The following CGGBP1 variants were observed in gnomAD, a reference collection of about 807,000 sequenced individuals.
The protein encoded by CGGBP1 is CGG triplet repeat binding protein 1.
A neutral mutation model predicts 11.4 loss-of-function variants in CGGBP1; 4 were observed. The ratio of observed to expected loss-of-function variants is 0.35; its 90% CI spans 0.17 to 0.80. The LOEUF is 0.80. Among genes scored for constraint, CGGBP1 ranks in the 30% least tolerant of loss-of-function variants. The pLI, the probability that CGGBP1 is intolerant of heterozygous loss-of-function variation, is 0.52. For missense variants in CGGBP1, 135 were observed against 202.1 expected (o/e 0.67, Z 2.01); for synonymous variants, 76 against 74.1 (o/e 1.03, Z -0.13).
At chr3:88,070,561 CTGTTTTTTTTTT>C (rs768293440) in intron 2 of CGGBP1, among the ~76,000 whole-genome samples, 1 of 92,662 alleles carries the variant, frequency 1.1e-5, no homozygotes, top group Non-Finnish European at 2.1e-5. Flanking sequence ...GCAACACTGC[CTGTTTTTTTTTT>C]TTTTTTTTTT....
chr3:88,140,967 T>G (rs780559502), intron 2 of CGGBP1: 1 of 1,613,492 alleles, frequency 6.2e-7, no homozygotes, highest in Admixed American at 1.7e-5. Flanking sequence ...CCTGACCACC[T>G]ACTGTAATGC....
chr3:88,103,089 G>A (rs1435371245), intron 2 of CGGBP1, among the ~76,000 whole-genome samples: 1 of 152,026 alleles, frequency 6.6e-6, no homozygotes, highest in Non-Finnish European at 1.5e-5. Context: ...TTGGTTTTCT[G>A]TTCATGCGTT....
chr3:88,078,630 T>A (rs1707933968), intron 2 of CGGBP1, among the ~76,000 whole-genome samples: 1 of 152,130 alleles, frequency 6.6e-6, no homozygotes, highest in African/African-American at 2.4e-5. Context: ...TCTTCATCTC[T>A]AGCCATCACT....
intron 2 of CGGBP1, among the ~76,000 whole-genome samples, chr3:88,070,540 C>G (rs1707447587): frequency 6.8e-6 from 1 of 147,100 alleles, no homozygotes; most frequent in Non-Finnish European, 1.5e-5. Context: ...CTATACGCCA[C>G]TGTGGCAAAG....
At chr3:88,076,223 T>C (rs1402352497) in intron 2 of CGGBP1, among the ~76,000 whole-genome samples, 1 of 152,222 alleles carries the variant, frequency 6.6e-6, no homozygotes, top group Non-Finnish European at 1.5e-5. Flanking sequence ...TTTCTGCCTT[T>C]TAAAAAGCAA....
At chr3:88,090,562 T>C (rs572761409) in intron 2 of CGGBP1, among the ~76,000 whole-genome samples, 2 of 150,600 alleles carry the variant, frequency 1.3e-5, no homozygotes, top group South Asian at 4.1e-4. Flanking sequence ...TAATTTATTA[T>C]TAAAGAAAAA....
chr3:88,080,298 T>A (rs1461365624), intron 2 of CGGBP1, among the ~76,000 whole-genome samples: 1 of 152,134 alleles, frequency 6.6e-6, no homozygotes, highest in African/African-American at 2.4e-5. Context: ...CAGTTCATAC[T>A]GATGTAATGA....
chr3:88,113,916 T>G (rs12493327), intron 2 of CGGBP1, among the ~76,000 whole-genome samples: 22,632 of 152,156 alleles, frequency 0.15, 1,763 homozygotes, highest in African/African-American at 0.18. Flanking sequence ...TTAACCATTC[T>G]TACCTTCAGC....
intron 2 of CGGBP1, 54 bp downstream of exon 2, chr3:88,057,965 C>G (rs188981463): frequency 6.6e-6 from 1 of 152,204 alleles, no homozygotes; most frequent in East Asian, 1.9e-4. Context: ...AAAAGCATAT[C>G]GTTTGCTAGA....
rs901202321 is a variant in CGGBP1, at chr3:88,076,772, T to C, written c.-228-18549A>G. 5.3e-5 allele frequency among the ~76,000 whole-genome samples: 8 copies of C among 152,314 alleles called. No homozygotes were observed. In the East Asian group the frequency reaches 1.5e-3, roughly 29 times the overall value. On this transcript the variant is annotated intron_variant, in intron 2 of 3. Coordinates refer to the CGGBP1 transcript ENST00000462901. The stretch of plus-strand genomic sequence containing the variant: ...TAATATATTACTCTCAGCTCTGATT[T>C]TGGAATCAAATGAAAAATTGGCAGG...
At chr3:88,072,348 G>T (rs1707562053) in intron 2 of CGGBP1, among the ~76,000 whole-genome samples, 1 of 152,090 alleles carries the variant, frequency 6.6e-6, no homozygotes, top group Admixed American at 6.5e-5. Flanking sequence ...GTATGAGTGA[G>T]GCCTCTTCCA....
upstream of CGGBP1, among the ~76,000 whole-genome samples, chr3:88,060,086 G>C (rs1706774419): frequency 6.6e-6 from 1 of 151,920 alleles, no homozygotes; most frequent in Admixed American, 6.6e-5. Flanking sequence ...TACTTTTTTC[G>C]GACAGAGAGT....
chr3:88,137,194 C>CAAAAAA (rs11401199), intron 2 of CGGBP1, among the ~76,000 whole-genome samples: 2 of 70,748 alleles, frequency 2.8e-5, no homozygotes, highest in African/African-American at 6.4e-5. Flanking sequence ...GACTCTGTCT[C>CAAAAAA]AAAAAAAAAA....
chr3:88,091,517 T>C (rs559134120), intron 2 of CGGBP1, among the ~76,000 whole-genome samples: 233 of 152,340 alleles, frequency 1.5e-3, no homozygotes, highest in Non-Finnish European at 1.3e-3. Context: ...AAAATTCTTA[T>C]ACAACTTTCA....
At chr3:88,068,131 G>A (rs1707308543) in intron 2 of CGGBP1, among the ~76,000 whole-genome samples, 1 of 151,808 alleles carries the variant, frequency 6.6e-6, no homozygotes, top group South Asian at 2.1e-4. Context: ...TGATTAGAGA[G>A]GTATGTTGAA....
chr3:88,088,797 G>A (rs1708480673), intron 2 of CGGBP1, among the ~76,000 whole-genome samples: 1 of 151,722 alleles, frequency 6.6e-6, no homozygotes, highest in Non-Finnish European at 1.5e-5. Flanking sequence ...TGGATGGATG[G>A]AGTCTGGCTC....
At chr3:88,059,022 G>A, upstream of CGGBP1, 1 of 436,564 alleles carries the variant, frequency 2.3e-6, no homozygotes, top group Non-Finnish European at 4.0e-6. Flanking sequence ...GCCCGTAGGC[G>A]GTCCCCAGCA....
chr3:88,111,574 A>G (rs919694957), intron 2 of CGGBP1, among the ~76,000 whole-genome samples: 3 of 151,996 alleles, frequency 2.0e-5, no homozygotes, highest in African/African-American at 7.2e-5. Flanking sequence ...GTATGGATAT[A>G]TTTAATTTAC....
intron 2 of CGGBP1, among the ~76,000 whole-genome samples, chr3:88,082,724 AAGGAG>A (rs1708144906): frequency 6.6e-6 from 1 of 152,246 alleles, no homozygotes; most frequent in African/African-American, 2.4e-5. Context: ...CATTACAAAA[AAGGAG>A]AGCTCAATTA....
Sources: gnomAD v4.1 joint callset for allele counts (sites outside exome capture counted in the v4.1 genomes callset) on GRCh38, gnomAD v4.1.1 for gene constraint, MANE v1.5 for transcripts, NCBI Gene and HGNC (gene_info 2026-07-23, HGNC 2026-07-21) for gene names.